Variants in SFT2D1 observed in about 807,000 individuals in gnomAD.
The protein encoded by SFT2D1 is SFT2 domain containing 1, also known as vesicle transport protein SFT2A.
In SFT2D1, 24 loss-of-function variants were observed where a neutral mutation model predicts 28.1. That is an observed-to-expected ratio of 0.85 (90% confidence interval 0.62 to 1.20). SFT2D1 has a LOEUF of 1.20. Ranked by LOEUF, SFT2D1 falls within the 50% of genes most tolerant of loss-of-function variation. SFT2D1 has a pLI of 0.00. For missense variants in SFT2D1, 181 were observed against 190.9 expected (o/e 0.95, Z 0.31); for synonymous variants, 82 against 73.7 (o/e 1.11, Z -0.58).
intron 1 of SFT2D1, among the ~76,000 whole-genome samples, chr6:166,339,945 G>C (rs1217270877): frequency 6.6e-6 from 1 of 152,098 alleles, no homozygotes; most frequent in Admixed American, 6.6e-5. Flanking sequence ...ATGCTACCTG[G>C]ATCTCAGACT....
Position 166,334,567 on chromosome 6 carries a change from T to A in SFT2D1, c.64-4320A>T, listed in dbSNP as rs1471818156. 2.4e-5 allele frequency: 4 copies of A among 167,352 alleles called. No homozygotes were observed. In the East Asian group the frequency reaches 7.3e-4, roughly 31 times the overall value. 10.4% of individuals were successfully genotyped at this position (167,352 alleles called of 1,614,324 possible). A position where few individuals can be genotyped will look rare whatever the true frequency, so the allele number is the denominator to read the frequency against. On this transcript the variant is annotated intron_variant, in intron 1 of 7. Transcript: ENST00000361731. The stretch of plus-strand genomic sequence containing the variant: ...GAGATCACACCACTGCACTCCAGTG[T>A]AAGTCAGAGTCTCCCAAAGAGCCTA...
At chr6:166,325,061 CCA>C (rs1778418650) in intron 5 of SFT2D1, among the ~76,000 whole-genome samples, 1 of 152,058 alleles carries the variant, frequency 6.6e-6, no homozygotes, top group African/African-American at 2.4e-5. Context: ...TAAACAGTTT[CCA>C]TGGTTGTTTT....
At chr6:166,324,423 G>A (rs991491912) in intron 6 of SFT2D1, 114 bp downstream of exon 6, 36 of 939,168 alleles carry the variant, frequency 3.8e-5, no homozygotes, top group African/African-American at 9.9e-5. Context: ...ACCCTGCAGG[G>A]CCTGTCTGGC....
chr6:166,321,048 T>G (rs770252936), intron 7 of SFT2D1, among the ~76,000 whole-genome samples: 1 of 151,888 alleles, frequency 6.6e-6, no homozygotes, highest in Non-Finnish European at 1.5e-5. Flanking sequence ...GAGGTGGAGG[T>G]TGCAGTGAGC....
chr6:166,329,866 T>G (rs1482389164), intron 2 of SFT2D1, among the ~76,000 whole-genome samples: 1 of 152,248 alleles, frequency 6.6e-6, no homozygotes, highest in African/African-American at 2.4e-5. Flanking sequence ...AGTTAAATTT[T>G]CATGCTAAAT....
chr6:166,336,879 T>C (rs1778666062), intron 1 of SFT2D1, among the ~76,000 whole-genome samples: 1 of 152,236 alleles, frequency 6.6e-6, no homozygotes. Context: ...CTGGGGCCTC[T>C]TTTTTAATAG....
At chr6:166,331,865 G>A (rs1368562088) in intron 1 of SFT2D1, among the ~76,000 whole-genome samples, 2 of 152,198 alleles carry the variant, frequency 1.3e-5, no homozygotes, top group Admixed American at 1.3e-4. Context: ...AATGCTGTGA[G>A]GATTTAGTGA....
Position 166,326,117 on chromosome 6 carries a change from G to C in SFT2D1, c.351+15C>G. 6.2e-7 allele frequency: 1 copy of C among 1,613,180 alleles called. No homozygotes were observed. The highest frequency in any genetic ancestry group is 8.5e-7 in the Non-Finnish European group (1 of 1,179,220). On this transcript the variant is annotated intron_variant, in intron 5 of 7. Transcript: ENST00000361731. ...ACACAGTTAACTGAAAGCCAGTAGG[G>C]CTGACATAACTTACCCAAAGAGCAG...
Position 166,335,261 on chromosome 6 carries a change from G to T in SFT2D1, c.64-5014C>A, listed in dbSNP as rs572664952. The T allele has an allele frequency of 2.3e-4, 134 of 587,396 alleles. No individual in the cohort carries two copies. In the African/African-American group the frequency reaches 2.3e-3, roughly 10 times the overall value. The allele number at this position is 587,396 out of a possible 1,614,324, so 36.4% of individuals were successfully genotyped here. ...TTCAGTGGTCATGATGGCTTTGGTG[G>T]CAGCTGTCCACAGCGGTGGCGGTGG... On this transcript the variant is annotated intron_variant, in intron 1 of 7. Coordinates refer to ENST00000361731, the MANE Select transcript of SFT2D1 (RefSeq NM_145169.3).
intron 1 of SFT2D1, among the ~76,000 whole-genome samples, chr6:166,341,189 T>C (rs1008539260): frequency 2.6e-5 from 4 of 152,138 alleles, no homozygotes; most frequent in Admixed American, 6.5e-5. Context: ...CTCAAGCCTG[T>C]CATCCAAGCA....
At chr6:166,342,369 C>A in intron 1 of SFT2D1, 50 bp downstream of exon 1, 1 of 1,519,102 alleles carries the variant, frequency 6.6e-7, no homozygotes, top group Non-Finnish European at 8.9e-7. Flanking sequence ...CTCAGTGCGG[C>A]CGGGGCCAGC....
intron 1 of SFT2D1, chr6:166,335,023 C>T (rs1365461833): frequency 3.2e-5 from 16 of 505,828 alleles, no homozygotes; most frequent in Non-Finnish European, 5.3e-5. Context: ...GCTATGCCTT[C>T]GTGCCTCTGA....
intron 6 of SFT2D1, chr6:166,323,199 A>C (rs972093140): frequency 3.0e-5 from 8 of 264,378 alleles, no homozygotes; most frequent in Admixed American, 1.6e-4. Context: ...ACTGTACCAC[A>C]ACTGATAATT....
At chr6:166,328,448 G>T in intron 3 of SFT2D1, 91 bp from the exon 4 acceptor site, 1 of 716,348 alleles carries the variant, frequency 1.4e-6, no homozygotes, top group Non-Finnish European at 2.1e-6. Context: ...AAGAAGCCCT[G>T]TTGCTTTATT....
chr6:166,328,262 T>C lies in SFT2D1; in HGVS notation c.315+14A>G, dbSNP rs1220454574. ...TACTTCAATAAAAGTTTTAAAAATG[T>C]ATTATTTACTTACAAGCATAACAAT... On this transcript the variant is annotated intron_variant, in intron 4 of 7. Transcript: ENST00000361731. 3.9e-6 allele frequency: 6 copies of C among 1,539,778 alleles called. No individual in the cohort carries two copies. The African/African-American group carries it at 6.9e-5, about 18-fold the overall frequency.
At chr6:166,322,978 G>T (rs1778385019) in intron 6 of SFT2D1, 92 bp from the exon 7 acceptor site, 2 of 1,021,976 alleles carry the variant, frequency 2.0e-6, no homozygotes, top group Admixed American at 3.6e-5. Context: ...AATAAATACA[G>T]CAGCATGAGA....
At position 166,326,284 on chromosome 6, in the gene SFT2D1, A is replaced by C. The variant is rs1238819569; in HGVS notation, c.316-117T>G. On this transcript the variant is annotated intron_variant, in intron 4 of 7. Coordinates refer to ENST00000361731, the MANE Select transcript of SFT2D1 (RefSeq NM_145169.3). ...GAATATACTATAGAACAAAAATAAG[A>C]ATACAGCTGAATAGTTTTACTTGTA... The C allele has an allele frequency of 3.8e-6, 3 of 783,868 alleles. No homozygotes were observed. In the African/African-American group the frequency reaches 5.3e-5, roughly 14 times the overall value. The allele number at this position is 783,868 out of a possible 1,614,324, so 48.6% of individuals were successfully genotyped here. A position where few individuals can be genotyped will look rare whatever the true frequency, so the allele number is the denominator to read the frequency against.
At chr6:166,339,094 T>C (rs1208193667) in intron 1 of SFT2D1, among the ~76,000 whole-genome samples, 1 of 152,040 alleles carries the variant, frequency 6.6e-6, no homozygotes, top group Non-Finnish European at 1.5e-5. Context: ...CCCATTCAGG[T>C]CTGTGCGCCT....
intron 4 of SFT2D1, 140 bp from the exon 5 acceptor site, chr6:166,326,307 G>A: frequency 1.4e-6 from 1 of 705,814 alleles, no homozygotes; most frequent in South Asian, 2.2e-5. Context: ...AGTTTTACTT[G>A]TATTTTCTGT....
Sources: allele counts gnomAD v4.1 joint callset (sites outside exome capture counted in the v4.1 genomes callset), GRCh38; gene constraint gnomAD v4.1.1; transcripts MANE v1.5; gene names NCBI Gene and HGNC (gene_info 2026-07-23, HGNC 2026-07-21).